Variants in MAP3K21 observed in about 807,000 individuals in gnomAD.
MAP3K21 encodes the protein mitogen-activated protein kinase kinase kinase MLK4.
A neutral mutation model predicts 86.1 loss-of-function variants in MAP3K21; 63 were observed. The ratio of observed to expected loss-of-function variants is 0.73; its 90% CI spans 0.60 to 0.90. The LOEUF is 0.90. Among genes scored for constraint, MAP3K21 ranks in the 40% least tolerant of loss-of-function variants. MAP3K21 has a pLI of 0.00. For synonymous variants in MAP3K21, 558 were observed against 564.8 expected (o/e 0.99, Z 0.17); for missense variants, 1,220 against 1,367.7 (o/e 0.89, Z 1.70).
chr1:233,333,941 C>T (rs1662861732), intron 1 of MAP3K21, among the ~76,000 whole-genome samples: 2 of 152,204 alleles, frequency 1.3e-5, no homozygotes, highest in African/African-American at 4.8e-5. Flanking sequence ...TGGCTCACTG[C>T]AAGCTCCGTC....
chr1:233,366,294 T>C (rs999835939), intron 5 of MAP3K21, among the ~76,000 whole-genome samples: 57 of 152,162 alleles, frequency 3.7e-4, no homozygotes, highest in African/African-American at 1.3e-3. Context: ...ATAGGGTGAA[T>C]ATGGTTAACT....
Position 233,379,617 on chromosome 1 carries a change from C to G in MAP3K21, c.2611C>G (p.Gln871Glu), listed in dbSNP as rs775720657. Residue 871 changes from glutamine (Q) to glutamate (E), a missense_variant, in exon 9 of 10, where the codon CAG becomes GAG. This residue lies in a region of MAP3K21 where 632 missense variants were observed against 691.3 expected (regional missense o/e 0.91). Coordinates refer to ENST00000366624, the MANE Select transcript of MAP3K21 (RefSeq NM_032435.3). ...AAGAAACTTGCCGTCTTCCTTCCTA[C>G]AGCAGACATGTGGGAATGTACCTTA... ...VSRNLPSSFLQQTCGNVPYCA... is the reference protein window; with the variant it reads ...VSRNLPSSFLEQTCGNVPYCA... The G allele has an allele frequency of 1.2e-6, 2 of 1,614,138 alleles. No individual in the cohort carries two copies. The highest frequency in any genetic ancestry group is 1.3e-5 in the African/African-American group (1 of 75,048).
chr1:233,377,371 A>T (rs4649307), intron 8 of MAP3K21, among the ~76,000 whole-genome samples: 33,693 of 152,084 alleles, frequency 0.22, 4,320 homozygotes, highest in East Asian at 0.39. Flanking sequence ...AGCAAGACAC[A>T]ATGTAAATGT....
At chr1:233,354,012 C>A in intron 3 of MAP3K21, 57 bp downstream of exon 3, 1 of 1,375,592 alleles carries the variant, frequency 7.3e-7, no homozygotes, top group South Asian at 2.1e-5. Context: ...ATTAGAATAT[C>A]ATTTTTTAAA....
chr1:233,380,338 GCATCTGTGTCCTAAT>G (rs1331845925), intron 9 of MAP3K21, among the ~76,000 whole-genome samples: 3 of 152,204 alleles, frequency 2.0e-5, no homozygotes, highest in Non-Finnish European at 4.4e-5. Context: ...CACTCTGAGT[GCATCTGTGTCCTAAT>G]CATCTGTGTC....
intron 7 of MAP3K21, 124 bp downstream of exon 7, chr1:233,376,190 A>G (rs2102766998): frequency 6.0e-6 from 5 of 835,336 alleles, no homozygotes; most frequent in Non-Finnish European, 9.4e-6. Flanking sequence ...AAATATCAAC[A>G]ATTTTCTAGG....
chr1:233,340,011 A>AT (rs1663009774), intron 1 of MAP3K21, among the ~76,000 whole-genome samples: 1 of 152,218 alleles, frequency 6.6e-6, no homozygotes, highest in Non-Finnish European at 1.5e-5. Flanking sequence ...TTAAAAAAAA[A>AT]GATTAATTAG....
Position 233,328,221 on chromosome 1 carries a change from G to T in MAP3K21, c.193G>T (p.Val65Leu). ...GCTGAGCCTGCGGCGCGGCCAGCTGGTGGAGGTGCTGTCGCAGGACGCCGC... is the reference window on the plus strand; with the variant it reads ...GCTGAGCCTGCGGCGCGGCCAGCTGTTGGAGGTGCTGTCGCAGGACGCCGC... ...DELSLRRGQL[V>L]EVLSQDAAVS... The change falls in exon 1 of 10, where the codon GTG (valine) becomes TTG (leucine). Residue 65 changes from valine (V) to leucine (L), a missense_variant. By Grantham distance (32) the Val-to-Leu change is conservative. This residue lies in a region of MAP3K21 where 369 missense variants were observed against 385.3 expected (regional missense o/e 0.96). Coordinates refer to ENST00000366624, the MANE Select transcript of MAP3K21 (RefSeq NM_032435.3). This position sits in a 1 kb window ranked among gnomAD's most constrained non-coding sequence, Gnocchi z 8.7. 6.7e-7 allele frequency: 1 copy of T among 1,490,536 alleles called. No homozygotes were observed. Among genetic ancestry groups the T allele is most frequent in the East Asian group, 2.9e-5 (1 of 34,554 alleles). 92.3% of individuals were successfully genotyped at this position (1,490,536 alleles called of 1,614,324 possible).
rs1663664869 is a variant in MAP3K21, at chr1:233,370,727, G to A, written c.1553-1311G>A. 2.0e-5 allele frequency among the ~76,000 whole-genome samples: 3 copies of A among 152,202 alleles called. No individual in the cohort carries two copies. In the South Asian group the frequency reaches 6.2e-4, roughly 32 times the overall value. ...GAACCAGTTCAAATGAGAATTTGAGGAGTGAGATATTTATGGGCAAATTAA... is the reference window on the plus strand; with the variant it reads ...GAACCAGTTCAAATGAGAATTTGAGAAGTGAGATATTTATGGGCAAATTAA... On this transcript the variant is annotated intron_variant, in intron 5 of 9. Coordinates refer to ENST00000366624, the MANE Select transcript of MAP3K21 (RefSeq NM_032435.3).
At chr1:233,367,824 A>T (rs999040161) in intron 5 of MAP3K21, among the ~76,000 whole-genome samples, 2 of 149,058 alleles carry the variant, frequency 1.3e-5, no homozygotes, top group African/African-American at 5.0e-5. Context: ...TCGCCACTGC[A>T]CTCCAGCCTG....
chr1:233,333,054 A>G lies in MAP3K21; in HGVS notation c.805+4221A>G, dbSNP rs375260221. ...GCCATTTGGAGCTCTTACTATGACA[A>G]ACTGCAAAAGGAATATAAATTTTGT... is the stretch of plus-strand genomic sequence containing the variant. On this transcript the variant is annotated intron_variant, in intron 1 of 9. Transcript: ENST00000366624. 5.8e-4 allele frequency among the ~76,000 whole-genome samples: 89 copies of G among 152,308 alleles called. 1 individual carries two copies. In the South Asian group the frequency reaches 0.018, roughly 31 times the overall value.
intron 5 of MAP3K21, among the ~76,000 whole-genome samples, chr1:233,364,506 G>T (rs1283129820): frequency 6.6e-6 from 1 of 152,194 alleles, no homozygotes; most frequent in Non-Finnish European, 1.5e-5. Flanking sequence ...GATAAAAAAT[G>T]AAAATCGTTC....
chr1:233,352,174 G>T (rs865917414), intron 2 of MAP3K21, among the ~76,000 whole-genome samples: 1 of 152,098 alleles, frequency 6.6e-6, no homozygotes, highest in South Asian at 2.1e-4. Flanking sequence ...GGCGTGAACT[G>T]CCATGCCCAG....
Position 233,339,195 on chromosome 1 carries a change from TTTCTTCTTCTTCTTCTTCTTC to T in MAP3K21, c.806-7195_806-7175del, listed in dbSNP as rs71173272. Among the ~76,000 whole-genome samples, 152 of 115,476 alleles carry T rather than the reference TTTCTTCTTCTTCTTCTTCTTC, an allele frequency of 1.3e-3. 1 individual carries two copies. The highest frequency in any genetic ancestry group is 4.4e-3 in the Middle Eastern group (1 of 226). 75.8% of individuals were successfully genotyped at this position (115,476 alleles called of 152,430 possible). ...GCTACAATTATTTTTAAAACAATCA[TTTCTTCTTCTTCTTCTTCTTC>T]TTCTTCTTCTTCTTCTTCTTCTTCT... On this transcript the variant is annotated intron_variant, in intron 1 of 9. Coordinates refer to ENST00000366624, the MANE Select transcript of MAP3K21 (RefSeq NM_032435.3).
chr1:233,350,177 A>T (rs1035735576), intron 2 of MAP3K21, among the ~76,000 whole-genome samples: 2 of 152,194 alleles, frequency 1.3e-5, no homozygotes, highest in Admixed American at 1.3e-4. Context: ...ATTACCTAAT[A>T]CAATGTGAAT....
intron 4 of MAP3K21, among the ~76,000 whole-genome samples, chr1:233,355,267 C>T (rs1663331462): frequency 6.6e-6 from 1 of 152,080 alleles, no homozygotes; most frequent in African/African-American, 2.4e-5. Flanking sequence ...GCATAATGGA[C>T]ACTTTGTATG....
At chr1:233,364,820 C>G (rs1468238438) in intron 5 of MAP3K21, among the ~76,000 whole-genome samples, 1 of 152,130 alleles carries the variant, frequency 6.6e-6, no homozygotes, top group Non-Finnish European at 1.5e-5. Context: ...CTGCTATAAT[C>G]CTGACCCATC....
chr1:233,333,078 G>A (rs1662841925), intron 1 of MAP3K21, among the ~76,000 whole-genome samples: 2 of 152,060 alleles, frequency 1.3e-5, no homozygotes, highest in South Asian at 2.1e-4. Context: ...TATAAATTTT[G>A]TTTTAGCTTT....
chr1:233,346,679 T>C, intron 2 of MAP3K21, 57 bp downstream of exon 2: 1 of 1,462,280 alleles, frequency 6.8e-7, no homozygotes, highest in African/African-American at 1.4e-5. Context: ...TTTATTTCAG[T>C]AAGTCCCAAA....
Sources: allele counts gnomAD v4.1 joint callset (sites outside exome capture counted in the v4.1 genomes callset), GRCh38; gene constraint gnomAD v4.1.1; regional missense constraint gnomAD v4.1.1; non-coding constraint Gnocchi (gnomAD v3.1); transcripts MANE v1.5; gene names NCBI Gene and HGNC (gene_info 2026-07-23, HGNC 2026-07-21).